Variants in ARFGEF1 observed in about 807,000 individuals in gnomAD.
ARFGEF1 encodes the protein ARF guanine nucleotide exchange factor 1.
ARFGEF1 carries 42 observed loss-of-function variants against 231.0 expected under a neutral mutation model. The ratio of observed to expected loss-of-function variants is 0.18; its 90% confidence interval spans 0.14 to 0.24. The LOEUF is 0.24. Among genes scored for constraint, ARFGEF1 ranks in the 10% least tolerant of loss-of-function variants. The pLI, the probability that ARFGEF1 is intolerant of heterozygous loss-of-function variation, is 1.00. For synonymous variants in ARFGEF1, 710 were observed against 732.3 expected, an observed-to-expected ratio of 0.97 and a Z score of 0.49; for missense variants, 1,345 against 2,192.0, an observed-to-expected ratio of 0.61 and a Z score of 7.72.
At chr8:67,200,277 T>C in intron 38 of ARFGEF1, 119 bp downstream of exon 38, 1 of 775,728 alleles carries the variant, frequency 1.3e-6, no homozygotes. Context: ...CAAGCAGCAG[T>C]GCAGCCTGGG....
At chr8:67,294,535 A>C (rs1438403476) in intron 5 of ARFGEF1, among the ~76,000 whole-genome samples, 2 of 152,186 alleles carry the variant, frequency 1.3e-5, no homozygotes, top group African/African-American at 4.8e-5. Flanking sequence ...ATGATTAGCA[A>C]TTCTAAAACT....
chr8:67,247,236 A>G lies in ARFGEF1; in HGVS notation c.2850+4063T>C, dbSNP rs1173060224. Among the ~76,000 whole-genome samples the G allele has an allele frequency of 2.0e-5, 3 of 150,386 alleles. 1 individual carries two copies. The highest frequency in any genetic ancestry group is 7.4e-5 in the African/African-American group (3 of 40,302). On this transcript the variant is annotated intron_variant, in intron 19 of 38. Coordinates refer to ENST00000262215, the MANE Select transcript of ARFGEF1 (RefSeq NM_006421.5). ...AGTAGGAAGGAATATTTCCAAATTC[A>G]TTCTACAAGGCCAGTATTACCCTGA...
chr8:67,328,113 C>T (rs1339118809), intron 1 of ARFGEF1, among the ~76,000 whole-genome samples: 4 of 152,050 alleles, frequency 2.6e-5, no homozygotes, highest in Non-Finnish European at 2.9e-5. Context: ...TGAGATAAGA[C>T]ATTTTTTTAA....
intron 33 of ARFGEF1, among the ~76,000 whole-genome samples, chr8:67,214,652 G>T (rs570373920): frequency 6.6e-6 from 1 of 152,276 alleles, no homozygotes; most frequent in Admixed American, 6.5e-5. Flanking sequence ...CTCAGCAGAA[G>T]CCAGGAACAT....
intron 5 of ARFGEF1, among the ~76,000 whole-genome samples, chr8:67,185,122 A>G (rs111746753): frequency 1.4e-5 from 2 of 141,844 alleles, no homozygotes; most frequent in Admixed American, 1.4e-4. Flanking sequence ...AAAAAACAAA[A>G]ACAAACAAAC....
intron 7 of ARFGEF1, among the ~76,000 whole-genome samples, chr8:67,285,093 T>G (rs1417820462): frequency 6.7e-6 from 1 of 149,624 alleles, no homozygotes; most frequent in African/African-American, 2.4e-5. Context: ...TGGTATTATT[T>G]TTAAAGGGGG....
chr8:67,310,240 T>G (rs1196148300), intron 1 of ARFGEF1, among the ~76,000 whole-genome samples: 1 of 151,286 alleles, frequency 6.6e-6, no homozygotes, highest in Non-Finnish European at 1.5e-5. Context: ...GCCGAGTGCC[T>G]GCGATTGCAG....
At chr8:67,342,097 T>C (rs1041359338) in intron 1 of ARFGEF1, among the ~76,000 whole-genome samples, 1 of 152,238 alleles carries the variant, frequency 6.6e-6, no homozygotes, top group Non-Finnish European at 1.5e-5. Context: ...CTTTCAAGAA[T>C]GCTTTTTTGT....
At chr8:67,253,347 G>T in intron 18 of ARFGEF1, 104 bp downstream of exon 18, 1 of 736,574 alleles carries the variant, frequency 1.4e-6, no homozygotes, top group Non-Finnish European at 2.0e-6. Flanking sequence ...GAGTAGCTGG[G>T]GACTATAAAT....
chr8:67,203,175 AGTT>A lies in ARFGEF1; in HGVS notation c.5033_5035del (p.Gln1678del). ...TAATAAGCAGTCCAGTAGCTTAAAA[AGTT>A]GTTGTGATGTTAAAAAGCGGTACAT... On this transcript the variant is annotated inframe_deletion, in exon 36 of 39. Coordinates refer to ENST00000262215, the MANE Select transcript of ARFGEF1 (RefSeq NM_006421.5). 6.2e-7 allele frequency: 1 copy of A among 1,614,224 alleles called. No homozygotes were observed. The highest frequency in any genetic ancestry group is 8.5e-7 in the Non-Finnish European group (1 of 1,180,030).
intron 1 of ARFGEF1, 59 bp downstream of exon 1, chr8:67,343,105 G>GCCCCCCCCCCCCCCCCCCCCCCCCACCCC: frequency 2.1e-6 from 1 of 483,916 alleles, no homozygotes; most frequent in South Asian, 3.8e-5. Context: ...CCCCCCACAG[G>GCCCCCCCCCCCCCCCCCCCCCCCCACCCC]CGCCCCCCTC....
intron 36 of ARFGEF1, chr8:67,201,903 G>GCCT: frequency 6.0e-6 from 2 of 333,908 alleles, no homozygotes; most frequent in Non-Finnish European, 1.1e-5. Context: ...TGCGCCAGGG[G>GCCT]CCTCAGATAA....
At chr8:67,210,723 T>G (rs1195400914) in intron 34 of ARFGEF1, among the ~76,000 whole-genome samples, 1 of 152,148 alleles carries the variant, frequency 6.6e-6, no homozygotes, top group Non-Finnish European at 1.5e-5. Context: ...GGCATCTATC[T>G]ACCAGAGGAT....
At chr8:67,256,426 T>C (rs1840456101) in intron 17 of ARFGEF1, among the ~76,000 whole-genome samples, 1 of 152,168 alleles carries the variant, frequency 6.6e-6, no homozygotes. Flanking sequence ...GTATATATTC[T>C]TACTTTAGGT....
rs1839406484 is a variant in ARFGEF1, at chr8:67,227,304, G to A, written c.3749C>T (p.Pro1250Leu). ...FEHIMKRNRS[P>L]TIRDMVVRCI... is the part of the protein sequence containing the mutation. Reference sequence around the variant, plus strand: ...CCGTACAACCATATCTCGAATTGTTGGAGACCTAAAAATATTAATATAATT... The same window carrying A: ...CCGTACAACCATATCTCGAATTGTTAGAGACCTAAAAATATTAATATAATT... Residue 1250 changes from proline (P) to leucine (L), a missense_variant, in exon 27 of 39, where the codon CCA (proline) becomes CTA (leucine). By Grantham distance (98) the Pro-to-Leu change is moderately conservative (BLOSUM62 -3). Around this residue, in one of 14 missense-constraint regions of ARFGEF1, gnomAD observed 142 missense variants for 227.3 expected, o/e 0.62. Coordinates refer to ENST00000262215, the MANE Select transcript of ARFGEF1 (RefSeq NM_006421.5). 1.2e-6 allele frequency: 2 copies of A among 1,610,296 alleles called. No homozygotes were observed. The highest frequency in any genetic ancestry group is 1.7e-6 in the Non-Finnish European group (2 of 1,177,860).
chr8:67,276,314 C>T (rs990953253), intron 8 of ARFGEF1, among the ~76,000 whole-genome samples: 1 of 152,058 alleles, frequency 6.6e-6, no homozygotes, highest in Non-Finnish European at 1.5e-5. Context: ...TAAAAATGCA[C>T]TTTAAAAATA....
chr8:67,262,608 GAA>G (rs1366675655), intron 14 of ARFGEF1, among the ~76,000 whole-genome samples: 1 of 152,158 alleles, frequency 6.6e-6, no homozygotes, highest in Non-Finnish European at 1.5e-5. Flanking sequence ...TTCGTGAATG[GAA>G]GAGACAATCA....
chr8:67,327,865 C>T (rs1807910180), intron 1 of ARFGEF1, among the ~76,000 whole-genome samples: 2 of 152,150 alleles, frequency 1.3e-5, no homozygotes, highest in Admixed American at 1.3e-4. Context: ...TGTAACATTC[C>T]CTTGTATTAA....
At chr8:67,327,149 A>T (rs1457725874) in intron 1 of ARFGEF1, among the ~76,000 whole-genome samples, 1 of 152,020 alleles carries the variant, frequency 6.6e-6, no homozygotes, top group Non-Finnish European at 1.5e-5. Context: ...TTCTTCCTTG[A>T]TTTTATTTTT....
Sources: gnomAD v4.1 joint callset for allele counts (sites outside exome capture counted in the v4.1 genomes callset) on GRCh38, gnomAD v4.1.1 for gene constraint, gnomAD v4.1.1 regional missense constraint, MANE v1.5 for transcripts, NCBI Gene and HGNC (gene_info 2026-07-23, HGNC 2026-07-21) for gene names.